CATSPERB: variants seen among roughly 807,000 people sequenced by gnomAD.
CATSPERB encodes the protein catsper channel auxiliary subunit beta.
Under a neutral mutation model 128.3 loss-of-function variants are expected in CATSPERB, and 93 were observed. The observed-to-expected ratio is 0.72, with a 90% CI of 0.61 to 0.86. The LOEUF (loss-of-function observed/expected upper bound fraction) is 0.86, where lower values mean the gene tolerates loss of function less well. Ranked by LOEUF, CATSPERB falls within the 40% of genes least tolerant of loss-of-function variation. The pLI is 0.00. For missense variants in CATSPERB, 1,153 were observed against 1,329.5 expected (o/e 0.87, Z 2.06); for synonymous variants, 381 against 448.8 (o/e 0.85, Z 1.91).
At chr14:91,608,016 C>T (rs1443436956) in intron 22 of CATSPERB, among the ~76,000 whole-genome samples, 1 of 152,170 alleles carries the variant, frequency 6.6e-6, no homozygotes, top group East Asian at 1.9e-4. Context: ...GGGCTCCTTT[C>T]ATTCGAGAAA....
intron 10 of CATSPERB, among the ~76,000 whole-genome samples, chr14:91,687,390 T>C (rs1895393787): frequency 3.3e-5 from 5 of 152,094 alleles, no homozygotes; most frequent in Admixed American, 2.6e-4. Context: ...TTATTTGATG[T>C]GGGGGTGATT....
rs574615013 is a variant in CATSPERB at position 91,672,246 on chromosome 14, C to T, written c.1128+621G>A. On this transcript the variant is annotated intron_variant, in intron 13 of 26. Coordinates refer to ENST00000256343, the MANE Select transcript of CATSPERB (RefSeq NM_024764.4). ...TCCCTACAATCTTGACGATAGGGGC[C>T]GAACTTATGGTTTTATTTGTTTGTT... Among the ~76,000 whole-genome samples the T allele has an allele frequency of 3.9e-5, 6 of 152,172 alleles. No homozygotes were observed. The East Asian group carries it at 7.7e-4, about 20-fold the overall frequency.
At chr14:91,599,793 A>G (rs1743166) in intron 22 of CATSPERB, among the ~76,000 whole-genome samples, 111,394 of 152,036 alleles carry the variant, frequency 0.73, 41,266 homozygotes, top group East Asian at 0.97. Flanking sequence ...CAGGTCACAG[A>G]AAGGTGATAC....
chr14:91,581,199 A>T, intron 26 of CATSPERB, 92 bp from the exon 27 acceptor site: 1 of 1,013,462 alleles, frequency 9.9e-7, no homozygotes, highest in Non-Finnish European at 1.5e-6. Context: ...ATCGGAGAGC[A>T]AAACGCTGCC....
chr14:91,687,085 A>G (rs935340452), intron 10 of CATSPERB, among the ~76,000 whole-genome samples: 8 of 152,152 alleles, frequency 5.3e-5, no homozygotes, highest in Non-Finnish European at 1.2e-4. Context: ...ATTCATAATT[A>G]TTTGAATTTC....
chr14:91,604,959 T>A, intron 22 of CATSPERB: 2 of 1,176,616 alleles, frequency 1.7e-6, no homozygotes, highest in Non-Finnish European at 2.6e-6. Context: ...TGCTGGAGGC[T>A]GAAGTATTTC....
intron 7 of CATSPERB, among the ~76,000 whole-genome samples, chr14:91,696,571 T>G (rs1895566731): frequency 1.3e-5 from 2 of 152,088 alleles, no homozygotes; most frequent in Non-Finnish European, 2.9e-5. Context: ...CTGCATTAAA[T>G]TCTGGCCTTA....
chr14:91,713,223 C>T lies in CATSPERB; in HGVS notation c.371-4987G>A, dbSNP rs544124565. The stretch of plus-strand genomic sequence containing the variant: ...TTTATTTACAAAAATAGGCAGTAGG[C>T]AGGATCAGGGGTCAGTACTTTGCTG... On this transcript the variant is annotated intron_variant, in intron 5 of 26. Transcript: ENST00000256343. 6.6e-5 allele frequency among the ~76,000 whole-genome samples: 10 copies of T among 151,804 alleles called. No homozygotes were observed. In the South Asian group the frequency reaches 2.1e-3, roughly 32 times the overall value.
intron 13 of CATSPERB, among the ~76,000 whole-genome samples, chr14:91,671,334 G>A (rs1267031362): frequency 6.6e-6 from 1 of 152,140 alleles, no homozygotes; most frequent in Non-Finnish European, 1.5e-5. Flanking sequence ...AGCACTTTGG[G>A]ACGCCAACGT....
chr14:91,640,005 G>A (rs982375794), intron 15 of CATSPERB, among the ~76,000 whole-genome samples: 1 of 152,004 alleles, frequency 6.6e-6, no homozygotes, highest in African/African-American at 2.4e-5. Flanking sequence ...TCTTTAGATG[G>A]ATAATTCCCA....
At position 91,708,130 on chromosome 14, in the gene CATSPERB, T is replaced by C; in HGVS notation, c.466+11A>G. 1 of 1,576,188 alleles carries C rather than the reference T, an allele frequency of 6.3e-7. No homozygotes were observed. The highest frequency in any genetic ancestry group is 1.1e-5 in the South Asian group (1 of 89,838). On this transcript the variant is annotated intron_variant, in intron 6 of 26. Coordinates refer to ENST00000256343, the MANE Select transcript of CATSPERB (RefSeq NM_024764.4). ...ATGAATTCCATTTTACTTCTGTCTG[T>C]TGGCATTTACCTCGAATAACATCCA... is the stretch of plus-strand genomic sequence containing the variant.
chr14:91,684,006 G>A, intron 10 of CATSPERB, 63 bp from the exon 11 acceptor site: 1 of 1,244,370 alleles, frequency 8.0e-7, no homozygotes, highest in Non-Finnish European at 1.1e-6. Context: ...TAAGATATAA[G>A]ATAGAAAAAA....
At chr14:91,582,601 T>C (rs1893223219) in intron 26 of CATSPERB, among the ~76,000 whole-genome samples, 1 of 152,148 alleles carries the variant, frequency 6.6e-6, no homozygotes, top group Admixed American at 6.5e-5. Context: ...CTACCCTTCC[T>C]AATTGGTTTT....
intron 6 of CATSPERB, among the ~76,000 whole-genome samples, chr14:91,707,704 T>C (rs1395073256): frequency 2.7e-5 from 4 of 146,160 alleles, no homozygotes; most frequent in African/African-American, 1.0e-4. Context: ...GTTTAAGCGA[T>C]TCTCCTGCCT....
intron 22 of CATSPERB, among the ~76,000 whole-genome samples, chr14:91,599,824 G>C (rs1893580379): frequency 6.6e-6 from 1 of 152,172 alleles, no homozygotes; most frequent in Admixed American, 6.6e-5. Flanking sequence ...ACATTCTTTT[G>C]AGTTTCTGAT....
intron 5 of CATSPERB, among the ~76,000 whole-genome samples, chr14:91,717,801 G>A (rs1895967557): frequency 6.6e-6 from 1 of 152,090 alleles, no homozygotes; most frequent in Non-Finnish European, 1.5e-5. Context: ...TGATTAAGGA[G>A]GAAAAAGTGA....
intron 11 of CATSPERB, among the ~76,000 whole-genome samples, chr14:91,683,338 C>T (rs1361419969): frequency 2.0e-5 from 3 of 152,214 alleles, no homozygotes; most frequent in Admixed American, 6.5e-5. Flanking sequence ...ATGCCACCCA[C>T]TTTCCATAGA....
Position 91,687,682 on chromosome 14 carries a change from C to T in CATSPERB, c.865-3739G>A, listed in dbSNP as rs1178617863. Among the ~76,000 whole-genome samples, 5 of 152,098 alleles carry T rather than the reference C, an allele frequency of 3.3e-5. No individual in the cohort carries two copies. The East Asian group carries it at 5.8e-4, about 18-fold the overall frequency. ...CAAAAATCCTTATCTAAGCTGGGTG[C>T]GGTGACTCACGCCTGTAATCCCAGC... On this transcript the variant is annotated intron_variant, in intron 10 of 26. Coordinates refer to ENST00000256343, the MANE Select transcript of CATSPERB (RefSeq NM_024764.4).
chr14:91,703,795 A>G (rs778568594), intron 7 of CATSPERB, among the ~76,000 whole-genome samples: 5 of 152,160 alleles, frequency 3.3e-5, no homozygotes, highest in Non-Finnish European at 7.4e-5. Context: ...TAAACTGGCA[A>G]ACCTAAATAA....
Sources: gnomAD v4.1 joint callset for allele counts (sites outside exome capture counted in the v4.1 genomes callset) on GRCh38, gnomAD v4.1.1 for gene constraint, MANE v1.5 for transcripts, NCBI Gene and HGNC (gene_info 2026-07-23, HGNC 2026-07-21) for gene names.